Variants in PAPSS2 observed in about 807,000 individuals in gnomAD.
PAPSS2 encodes the protein bifunctional 3'-phosphoadenosine 5'-phosphosulfate synthase 2.
A neutral mutation model predicts 66.5 loss-of-function variants in PAPSS2; 61 were observed. That is an observed-to-expected ratio of 0.92 (90% CI 0.75 to 1.14). The LOEUF (loss-of-function observed/expected upper bound fraction) is 1.14. PAPSS2 is among the 50% of genes most tolerant of loss of function. PAPSS2 has a pLI of 0.00. For synonymous variants in PAPSS2, 289 were observed against 287.5 expected (o/e 1.01, Z -0.05); for missense variants, 708 against 789.6 (o/e 0.90, Z 1.24).
At chr10:87,701,124 G>T (rs1170425778) in intron 1 of PAPSS2, among the ~76,000 whole-genome samples, 1 of 151,154 alleles carries the variant, frequency 6.6e-6, no homozygotes. Context: ...ACCAAAAGGG[G>T]AGCAAGTGAA....
chr10:87,741,211 C>T, intron 9 of PAPSS2, 24 bp from the exon 10 acceptor site: 1 of 1,611,238 alleles, frequency 6.2e-7, no homozygotes, highest in Non-Finnish European at 8.5e-7. Flanking sequence ...TAATCATTAG[C>T]AATCATAACA....
chr10:87,684,266 G>A (rs77728447), intron 1 of PAPSS2, among the ~76,000 whole-genome samples: 243 of 152,346 alleles, frequency 1.6e-3, no homozygotes, highest in African/African-American at 5.7e-3. Flanking sequence ...ATTGTTGCAG[G>A]AATCTCTTTC....
intron 1 of PAPSS2, among the ~76,000 whole-genome samples, chr10:87,676,052 A>ATATTTAAAAT (rs3842234): frequency 0.46 from 66,556 of 146,246 alleles, 15,963 homozygotes; most frequent in East Asian, 0.78. Flanking sequence ...TCCTCATGGA[A>ATATTTAAAAT]TATTTAAAAT....
At chr10:87,660,745 A>G (rs1327679176) in intron 1 of PAPSS2, among the ~76,000 whole-genome samples, 1 of 150,778 alleles carries the variant, frequency 6.6e-6, no homozygotes, top group African/African-American at 2.4e-5. Context: ...GGGCACCTAT[A>G]AATTTTGCAT....
chr10:87,715,063 G>A lies in PAPSS2; in HGVS notation c.718G>A (p.Glu240Lys), dbSNP rs1355794195. ...AAACAAACTTGACCACGTCCGAGCTGAGGCTGAAACTCTCCCTTCATTATC... is the reference window on the plus strand; with the variant it reads ...AAACAAACTTGACCACGTCCGAGCTAAGGCTGAAACTCTCCCTTCATTATC... The part of the protein sequence containing the change: ...PENKLDHVRA[E>K]AETLPSLSIT... The change falls in exon 6 of 13, where the codon GAG becomes AAG. Residue 240 changes from glutamate to lysine, a missense_variant. Glu to Lys is a moderately conservative substitution (Grantham distance 56). Transcript: ENST00000456849. 1.2e-6 allele frequency: 2 copies of A among 1,612,560 alleles called. No homozygotes were observed. The highest frequency in any genetic ancestry group is 2.7e-5 in the African/African-American group (2 of 74,898).
intron 7 of PAPSS2, among the ~76,000 whole-genome samples, chr10:87,716,458 AC>A (rs1459465297): frequency 6.6e-6 from 1 of 152,134 alleles, no homozygotes. Flanking sequence ...AGACTTCCGG[AC>A]CCTTCTGTGA....
intron 1 of PAPSS2, among the ~76,000 whole-genome samples, chr10:87,683,305 C>A (rs185325065): frequency 6.6e-6 from 1 of 152,276 alleles, no homozygotes; most frequent in Admixed American, 6.5e-5. Context: ...GTTCGCCAGG[C>A]TGGTCTTGAA....
chr10:87,701,878 C>A (rs1036847209), intron 1 of PAPSS2, among the ~76,000 whole-genome samples: 1 of 152,066 alleles, frequency 6.6e-6, no homozygotes, highest in Non-Finnish European at 1.5e-5. Context: ...GGGGAAAAAA[C>A]AGTAAAAATA....
chr10:87,667,462 A>G (rs1445325760), intron 1 of PAPSS2, among the ~76,000 whole-genome samples: 4 of 152,210 alleles, frequency 2.6e-5, no homozygotes, highest in Non-Finnish European at 5.9e-5. Context: ...AAAAACCTCA[A>G]CAAAACAAAC....
At chr10:87,722,645 G>A (rs753819428) in intron 8 of PAPSS2, among the ~76,000 whole-genome samples, 3 of 152,172 alleles carry the variant, frequency 2.0e-5, no homozygotes, top group Non-Finnish European at 4.4e-5. Context: ...GCCCACCAGA[G>A]CCAAATGAAG....
intron 8 of PAPSS2, among the ~76,000 whole-genome samples, chr10:87,722,327 A>G (rs1033890705): frequency 1.3e-5 from 2 of 152,228 alleles, no homozygotes; most frequent in Non-Finnish European, 2.9e-5. Flanking sequence ...AAACTTCTGC[A>G]TTGTACAAGA....
chr10:87,687,491 G>A (rs1361979418), intron 1 of PAPSS2, among the ~76,000 whole-genome samples: 1 of 152,150 alleles, frequency 6.6e-6, no homozygotes, highest in Non-Finnish European at 1.5e-5. Context: ...AAGACAAATA[G>A]CATGTTCTCT....
intron 1 of PAPSS2, among the ~76,000 whole-genome samples, chr10:87,706,084 G>GTATGTATATA (rs1853380514): frequency 1.7e-5 from 1 of 60,178 alleles, no homozygotes; most frequent in South Asian, 7.1e-4. Context: ...TCTTCACATG[G>GTATGTATATA]TATATATATA....
chr10:87,733,001 T>C (rs969757180), intron 9 of PAPSS2, among the ~76,000 whole-genome samples: 2 of 152,262 alleles, frequency 1.3e-5, no homozygotes, highest in Non-Finnish European at 2.9e-5. Flanking sequence ...TTGTCGCATG[T>C]ACCAAACACA....
intron 1 of PAPSS2, among the ~76,000 whole-genome samples, chr10:87,668,184 C>G (rs571943377): frequency 1.3e-5 from 2 of 152,218 alleles, no homozygotes; most frequent in African/African-American, 4.8e-5. Flanking sequence ...ATTTTATTTT[C>G]ATACATTTGC....
intron 9 of PAPSS2, 136 bp from the exon 10 acceptor site, chr10:87,741,099 A>G: frequency 1.1e-6 from 1 of 901,332 alleles, no homozygotes; most frequent in Non-Finnish European, 1.8e-6. Context: ...AGTTTGAGAA[A>G]TACTGTGCCA....
At chr10:87,705,677 T>C (rs536255196) in intron 1 of PAPSS2, among the ~76,000 whole-genome samples, 5 of 152,312 alleles carry the variant, frequency 3.3e-5, no homozygotes, top group Admixed American at 6.5e-5. Flanking sequence ...TGTCTTCCTT[T>C]GTAAAGTGAC....
intron 1 of PAPSS2, among the ~76,000 whole-genome samples, chr10:87,681,517 A>G (rs76496337): frequency 0.016 from 2,444 of 152,356 alleles, 27 homozygotes; most frequent in Non-Finnish European, 0.027. Context: ...TCAAAGAATG[A>G]AAAGACTTTT....
chr10:87,677,200 T>C (rs1852960939), intron 1 of PAPSS2, among the ~76,000 whole-genome samples: 1 of 151,884 alleles, frequency 6.6e-6, no homozygotes, highest in African/African-American at 2.4e-5. Context: ...TCTCAAAAAA[T>C]AAGATAAAAT....
Sources: gnomAD v4.1 joint callset for allele counts (sites outside exome capture counted in the v4.1 genomes callset) on GRCh38, gnomAD v4.1.1 for gene constraint, MANE v1.5 for transcripts, NCBI Gene and HGNC (gene_info 2026-07-23, HGNC 2026-07-21) for gene names.